MCCC1: variants seen among roughly 807,000 people sequenced by gnomAD.
MCCC1 encodes methylcrotonoyl-CoA carboxylase subunit alpha, mitochondrial.
Under a neutral mutation model 83.8 loss-of-function variants are expected in MCCC1, and 64 were observed. That is an observed-to-expected ratio of 0.76 (90% CI 0.62 to 0.94). The LOEUF (loss-of-function observed/expected upper bound fraction) is 0.94, where lower values mean the gene tolerates loss of function less well. MCCC1 is among the 40% of genes least tolerant of loss of function. MCCC1 has a pLI of 0.00. For synonymous variants in MCCC1, 322 were observed against 315.4 expected, an observed-to-expected ratio of 1.02 and a Z score of -0.22; for missense variants, 807 against 904.7, an observed-to-expected ratio of 0.89 and a Z score of 1.39.
upstream of MCCC1, among the ~76,000 whole-genome samples, chr3:183,101,103 G>A (rs560528917): frequency 7.0e-4 from 107 of 152,384 alleles, 1 homozygote; most frequent in East Asian, 6.6e-3. Flanking sequence ...CGCTGCGCTC[G>A]ATTTCTCGCC....
intron 11 of MCCC1, 107 bp from the exon 12 acceptor site, chr3:183,039,242 C>A (rs1388885095): frequency 1.9e-6 from 2 of 1,041,268 alleles, no homozygotes; most frequent in Admixed American, 3.9e-5. Flanking sequence ...CCTCATAAAC[C>A]CCTGCATGAT....
intron 12 of MCCC1, 68 bp from the exon 13 acceptor site, chr3:183,037,502 T>C: frequency 8.0e-7 from 1 of 1,256,226 alleles, no homozygotes. Flanking sequence ...AACCATCTGC[T>C]CTTTTTATCT....
At chr3:183,052,390 G>A in intron 8 of MCCC1, 150 bp from the exon 9 acceptor site, 1 of 706,032 alleles carries the variant, frequency 1.4e-6, no homozygotes, top group Non-Finnish European at 2.5e-6. Context: ...GATTATAATG[G>A]AGCTGAAAAA....
At chr3:183,061,897 C>T (rs562950612) in intron 7 of MCCC1, among the ~76,000 whole-genome samples, 1 of 152,324 alleles carries the variant, frequency 6.6e-6, no homozygotes, top group South Asian at 2.1e-4. Flanking sequence ...TGAATTGTAG[C>T]TCCCATAATC....
At chr3:183,020,612 CAG>C (rs1712074294) in intron 16 of MCCC1, among the ~76,000 whole-genome samples, 1 of 151,740 alleles carries the variant, frequency 6.6e-6, no homozygotes, top group Non-Finnish European at 1.5e-5. Context: ...GCCTGGGTGA[CAG>C]AGTGAGACTC....
chr3:183,073,749 A>G (rs570196960), intron 4 of MCCC1, among the ~76,000 whole-genome samples: 6 of 152,368 alleles, frequency 3.9e-5, no homozygotes, highest in African/African-American at 1.4e-4. Context: ...AAACCTCAAC[A>G]TACATATTTT....
At chr3:183,032,450 A>G (rs1257917088) in intron 14 of MCCC1, among the ~76,000 whole-genome samples, 2 of 152,366 alleles carry the variant, frequency 1.3e-5, no homozygotes, top group African/African-American at 2.4e-5. Flanking sequence ...GAATGCTACT[A>G]TATAAAGATG....
chr3:183,110,368 A>G (rs1440493198), intron 1 of MCCC1, among the ~76,000 whole-genome samples: 1 of 149,174 alleles, frequency 6.7e-6, no homozygotes, highest in East Asian at 2.0e-4. Context: ...CAGGACTTTT[A>G]TAATTTTAGA....
intron 9 of MCCC1, among the ~76,000 whole-genome samples, chr3:183,048,347 A>G (rs1329926164): frequency 6.6e-6 from 1 of 152,246 alleles, no homozygotes; most frequent in African/African-American, 2.4e-5. Context: ...AGATTGTTGG[A>G]GTAGATTAAA....
intron 10 of MCCC1, among the ~76,000 whole-genome samples, chr3:183,043,500 C>T (rs1398470234): frequency 6.6e-6 from 1 of 152,242 alleles, no homozygotes; most frequent in Non-Finnish European, 1.5e-5. Flanking sequence ...GTATCTGCAG[C>T]CTGAACCCAG....
intron 4 of MCCC1, among the ~76,000 whole-genome samples, chr3:183,081,777 G>T (rs1412471156): frequency 6.6e-6 from 1 of 152,186 alleles, no homozygotes; most frequent in Non-Finnish European, 1.5e-5. Flanking sequence ...GGGCTCTTGG[G>T]GCTCAACTCG....
intron 7 of MCCC1, among the ~76,000 whole-genome samples, chr3:183,066,676 T>C (rs1716280370): frequency 6.6e-6 from 1 of 152,162 alleles, no homozygotes; most frequent in Non-Finnish European, 1.5e-5. Flanking sequence ...TTGGAGATTG[T>C]GACATTAGAA....
intron 9 of MCCC1, among the ~76,000 whole-genome samples, chr3:183,051,607 C>G (rs534941975): frequency 1.1e-4 from 17 of 152,124 alleles, no homozygotes; most frequent in African/African-American, 1.7e-4. Context: ...TATCATTATA[C>G]ATTTGTCAAA....
chr3:183,062,243 C>T (rs368375156), intron 7 of MCCC1, among the ~76,000 whole-genome samples: 2 of 152,214 alleles, frequency 1.3e-5, no homozygotes, highest in East Asian at 3.9e-4. Context: ...CTTTTAGGTG[C>T]TCCAGGTAAG....
upstream of MCCC1, among the ~76,000 whole-genome samples, chr3:183,100,426 C>T (rs548529815): frequency 1.0e-3 from 154 of 152,052 alleles, no homozygotes; most frequent in African/African-American, 3.5e-3. Context: ...CCCACTTTCA[C>T]CTTCACCTTC....
In MCCC1 at chr3:183,030,855, C is replaced by T. The variant is rs114540947; in HGVS notation, c.1681+3136G>A. ...ATGAATAAAACTCTCCACCCTATATCATGTCAACAGGCTTTTACTCTTCTT... is the reference window on the plus strand; with the variant it reads ...ATGAATAAAACTCTCCACCCTATATTATGTCAACAGGCTTTTACTCTTCTT... On this transcript the variant is annotated intron_variant, in intron 14 of 18. Transcript: ENST00000265594. Among the ~76,000 whole-genome samples, 374 of 152,324 alleles carry T rather than the reference C, an allele frequency of 2.5e-3. 5 individuals carry two copies. Among genetic ancestry groups the T allele is most frequent in the African/African-American group, 8.5e-3 (353 of 41,568 alleles).
At chr3:183,015,911 G>GTTTT (rs549666072) in intron 18 of MCCC1, among the ~76,000 whole-genome samples, 31 of 135,462 alleles carry the variant, frequency 2.3e-4, no homozygotes, top group East Asian at 7.1e-4. Flanking sequence ...GCTTGCTTTT[G>GTTTT]TTTTTTTTTT....
intron 1 of MCCC1, among the ~76,000 whole-genome samples, chr3:183,111,342 C>G (rs961091350): frequency 6.6e-6 from 1 of 152,074 alleles, no homozygotes; most frequent in African/African-American, 2.4e-5. Flanking sequence ...CTCTGTCGCT[C>G]AGGCTGGAAT....
Position 183,041,883 on chromosome 3 carries a change from A to G in MCCC1, c.1084-133T>C, listed in dbSNP as rs1050011902. The G allele has an allele frequency of 4.0e-6, 4 of 1,009,098 alleles. No homozygotes were observed. In the African/African-American group the frequency reaches 4.8e-5, roughly 12 times the overall value. 62.5% of individuals were successfully genotyped at this position (1,009,098 alleles called of 1,614,324 possible). ...GCAATGCAGCCAAATAAAAACTATT[A>G]TTTTGTCTACTCATTTGAGTATTGG... On this transcript the variant is annotated intron_variant, in intron 10 of 18. Transcript: ENST00000265594.
Sources: allele counts gnomAD v4.1 joint callset (sites outside exome capture counted in the v4.1 genomes callset), GRCh38; gene constraint gnomAD v4.1.1; transcripts MANE v1.5; gene names NCBI Gene and HGNC (gene_info 2026-07-23, HGNC 2026-07-21).